Variants in CFAP52 observed in about 807,000 individuals in gnomAD.
CFAP52 encodes cilia and flagella associated protein 52.
A neutral mutation model predicts 70.5 loss-of-function variants in CFAP52; 57 were observed. That is an observed-to-expected ratio of 0.81 (90% confidence interval 0.65 to 1.01). The LOEUF is 1.01. Ranked by LOEUF, CFAP52 falls within the 50% of genes least tolerant of loss-of-function variation. The pLI is 0.00. For missense variants in CFAP52, 785 were observed against 788.5 expected (o/e 1.00, Z 0.05); for synonymous variants, 267 against 292.5 (o/e 0.91, Z 0.89).
intron 2 of CFAP52, 64 bp downstream of exon 2, chr17:9,586,036 C>T (rs1908457101): frequency 6.5e-7 from 1 of 1,535,228 alleles, no homozygotes; most frequent in East Asian, 2.3e-5. Context: ...AAGAACTGCC[C>T]CACTTCAAGT....
chr17:9,604,270 A>G (rs1385279634), intron 6 of CFAP52, among the ~76,000 whole-genome samples: 1 of 152,214 alleles, frequency 6.6e-6, no homozygotes, highest in Non-Finnish European at 1.5e-5. Context: ...AAAGAATTGA[A>G]AAGCTGGACT....
Position 9,602,359 on chromosome 17 carries a change from A to G in CFAP52, c.753+2176A>G, listed in dbSNP as rs184697124. ...CTCATTGTTCAACTCTCACTTATGA[A>G]TGAGAACATGCGGTGTTTGGTTTTC... is the stretch of plus-strand genomic sequence containing the variant. On this transcript the variant is annotated intron_variant, in intron 6 of 13. Coordinates refer to ENST00000352665, the MANE Select transcript of CFAP52 (RefSeq NM_145054.5). Among the ~76,000 whole-genome samples, 14 of 149,056 alleles carry G rather than the reference A, an allele frequency of 9.4e-5. No homozygotes were observed. In the East Asian group the frequency reaches 1.8e-3, roughly 19 times the overall value.
At chr17:9,601,068 A>C (rs993089446) in intron 6 of CFAP52, among the ~76,000 whole-genome samples, 1 of 152,036 alleles carries the variant, frequency 6.6e-6, no homozygotes, top group South Asian at 2.1e-4. Context: ...TACACCATGG[A>C]ATACTATGCA....
intron 7 of CFAP52, among the ~76,000 whole-genome samples, chr17:9,611,273 T>C (rs890932240): frequency 6.6e-6 from 1 of 151,914 alleles, no homozygotes; most frequent in African/African-American, 2.4e-5. Flanking sequence ...ATACTCATTA[T>C]AAAGGGAAGA....
intron 7 of CFAP52, 25 bp from the exon 8 acceptor site, chr17:9,612,284 T>C: frequency 6.2e-7 from 1 of 1,610,938 alleles, no homozygotes; most frequent in African/African-American, 1.3e-5. Context: ...GTGAATCTAC[T>C]TTACTTTTGT....
chr17:9,621,909 A>G (rs1283350669), intron 8 of CFAP52, among the ~76,000 whole-genome samples: 3 of 149,396 alleles, frequency 2.0e-5, no homozygotes, highest in Non-Finnish European at 4.5e-5. Flanking sequence ...ATGCTAGATG[A>G]CACGTTAGTG....
intron 3 of CFAP52, among the ~76,000 whole-genome samples, chr17:9,591,467 T>C (rs1466538924): frequency 2.0e-5 from 3 of 152,212 alleles, no homozygotes; most frequent in African/African-American, 7.2e-5. Context: ...TCCACACACG[T>C]AGATATAGAT....
rs1247529108 is a variant in CFAP52, at chr17:9,600,197, A to G, written c.753+14A>G. On this transcript the variant is annotated intron_variant, in intron 6 of 13. Coordinates refer to ENST00000352665, the MANE Select transcript of CFAP52 (RefSeq NM_145054.5). ...AAATTCAGTTTGGTGAGTAGAGACC[A>G]TCGCCACTGCCCTGCCATTTTTCTC... The G allele has an allele frequency of 3.7e-6, 6 of 1,603,580 alleles. No homozygotes were observed. The highest frequency in any genetic ancestry group is 5.1e-6 in the Non-Finnish European group (6 of 1,170,654).
chr17:9,633,467 A>G (rs536859368), intron 10 of CFAP52, among the ~76,000 whole-genome samples: 1 of 152,220 alleles, frequency 6.6e-6, no homozygotes, highest in Admixed American at 6.5e-5. Context: ...GGCCTCCCAA[A>G]GTGCTGGGAT....
At chr17:9,629,308 C>T (rs1910356717) in intron 9 of CFAP52, among the ~76,000 whole-genome samples, 1 of 152,232 alleles carries the variant, frequency 6.6e-6, no homozygotes, top group South Asian at 2.1e-4. Context: ...TCCTTTAAAA[C>T]AGTAATTTCT....
intron 1 of CFAP52, among the ~76,000 whole-genome samples, chr17:9,579,010 C>T (rs547338768): frequency 5.3e-5 from 8 of 152,216 alleles, no homozygotes; most frequent in Admixed American, 1.3e-4. Flanking sequence ...CCTCCCATTC[C>T]GTCAAGGCTG....
chr17:9,600,027 C>T, intron 5 of CFAP52, 40 bp from the exon 6 acceptor site: 1 of 1,581,484 alleles, frequency 6.3e-7, no homozygotes, highest in Non-Finnish European at 8.7e-7. Flanking sequence ...AGGCGTGAGC[C>T]ACCGAGGCTG....
chr17:9,638,460 C>T (rs1254521138), intron 11 of CFAP52, 149 bp from the exon 12 acceptor site: 2 of 670,740 alleles, frequency 3.0e-6, no homozygotes, highest in Non-Finnish European at 2.6e-6. Flanking sequence ...TGAAGAAATA[C>T]AAGCACCACT....
chr17:9,629,518 TTC>T (rs1910370252), intron 9 of CFAP52, among the ~76,000 whole-genome samples: 1 of 150,736 alleles, frequency 6.6e-6, no homozygotes, highest in Non-Finnish European at 1.5e-5. Context: ...TCTTTCTTTC[TTC>T]TTTCTTTTTT....
At chr17:9,600,242 C>CT (rs912630282) in intron 6 of CFAP52, 59 bp downstream of exon 6, 8,719 of 1,283,814 alleles carry the variant, frequency 6.8e-3, no homozygotes, top group Non-Finnish European at 7.6e-3. Context: ...GCAGCATGTA[C>CT]TTTTTTTTTT....
intron 1 of CFAP52, among the ~76,000 whole-genome samples, chr17:9,578,589 G>A (rs1246940289): frequency 6.6e-6 from 1 of 151,940 alleles, no homozygotes; most frequent in Non-Finnish European, 1.5e-5. Context: ...GTGGAGTCTC[G>A]CTCTGTTGTG....
At chr17:9,631,020 A>AGAGAGAGAG (rs1567634788) in intron 9 of CFAP52, among the ~76,000 whole-genome samples, 1 of 39,318 alleles carries the variant, frequency 2.5e-5, no homozygotes, top group Non-Finnish European at 4.4e-5. Flanking sequence ...GAAAGAAAGA[A>AGAGAGAGAG]AGAAAGAAAG....
At chr17:9,612,658 C>A (rs1382884798) in intron 8 of CFAP52, among the ~76,000 whole-genome samples, 179 bp downstream of exon 8, 1 of 152,190 alleles carries the variant, frequency 6.6e-6, no homozygotes, top group Non-Finnish European at 1.5e-5. Context: ...ATTATATTAG[C>A]TTTCCAATTC....
chr17:9,606,370 C>A (rs1044305105), intron 6 of CFAP52, among the ~76,000 whole-genome samples: 2 of 101,974 alleles, frequency 2.0e-5, no homozygotes, highest in African/African-American at 3.8e-5. Flanking sequence ...GTGGCAGAGA[C>A]CCTGTCTCCA....
Sources: allele counts gnomAD v4.1 joint callset (sites outside exome capture counted in the v4.1 genomes callset), GRCh38; gene constraint gnomAD v4.1.1; transcripts MANE v1.5; gene names NCBI Gene and HGNC (gene_info 2026-07-23, HGNC 2026-07-21).